Variants in TMLHE observed in about 807,000 individuals in gnomAD.
TMLHE encodes trimethyllysine hydroxylase, epsilon.
In TMLHE, 18 loss-of-function variants were observed where a neutral mutation model predicts 25.7. That is an observed-to-expected ratio of 0.70 (90% CI 0.48 to 1.04). TMLHE has a LOEUF of 1.04. TMLHE is among the 50% of genes least tolerant of loss of function. The probability of loss-of-function intolerance (pLI) is 0.00; values close to 1 mark genes in which losing one functional copy is unlikely to be tolerated. For synonymous variants in TMLHE, 105 were observed against 97.0 expected (o/e 1.08, Z -0.49); for missense variants, 236 against 259.0 (o/e 0.91, Z 0.61).
rs2067223008 is a variant in TMLHE at position 155,526,897 on chromosome X, G to A, written c.182-2265C>T. ...GGCCAATTTCTCCCATTTGGAATGG[G>A]AGCATTTACCGAATGCCTGTACCCC... On this transcript the variant is annotated intron_variant, in intron 2 of 7. Coordinates refer to ENST00000334398, the MANE Select transcript of TMLHE (RefSeq NM_018196.4). Among the ~76,000 whole-genome samples, 3 of 112,823 alleles carry A rather than the reference G, an allele frequency of 2.7e-5. No homozygotes were observed. In the Admixed American group the frequency reaches 2.8e-4, roughly 10 times the overall value.
At chrX:155,524,230 T>C in intron 3 of TMLHE, 1 of 289,840 alleles carries the variant, frequency 3.5e-6, no homozygotes, top group Non-Finnish European at 6.0e-6. Context: ...ATGTTCCCTG[T>C]CTTAGAGGGA....
intron 1 of TMLHE, among the ~76,000 whole-genome samples, chrX:155,576,749 C>CA (rs1569562209): frequency 8.9e-6 from 1 of 111,776 alleles, no homozygotes. Context: ...CAAAAGCAAG[C>CA]AATGAAGAAA....
At chrX:155,590,997 G>A (rs1475360197) in intron 1 of TMLHE, among the ~76,000 whole-genome samples, 1 of 111,395 alleles carries the variant, frequency 9.0e-6, no homozygotes, top group Non-Finnish European at 1.9e-5. Context: ...AAAGAAACAA[G>A]CTAAAGGGAA....
intron 2 of TMLHE, among the ~76,000 whole-genome samples, chrX:155,543,590 T>G (rs1367355958): frequency 8.9e-6 from 1 of 112,191 alleles, no homozygotes; most frequent in Non-Finnish European, 1.9e-5. Context: ...TGTTAAAATA[T>G]CTATACTATT....
intron 3 of TMLHE, 127 bp downstream of exon 3, chrX:155,524,329 C>A (rs1479229535): frequency 4.5e-5 from 26 of 577,209 alleles, no homozygotes; most frequent in Non-Finnish European, 6.6e-5. Flanking sequence ...TCAAAAAATC[C>A]TTCCAAAACA....
chrX:155,524,145 AT>A (rs2067205010), intron 3 of TMLHE: 1 of 192,842 alleles, frequency 5.2e-6, no homozygotes, highest in Non-Finnish European at 9.5e-6. Flanking sequence ...CTATAATAGA[AT>A]TTTCAGTACT....
chrX:155,515,721 A>C (rs891856731), intron 3 of TMLHE, among the ~76,000 whole-genome samples: 1 of 111,665 alleles, frequency 9.0e-6, no homozygotes, highest in Non-Finnish European at 1.9e-5. Flanking sequence ...TACTAAGGCT[A>C]ATAAGAATAC....
chrX:155,587,356 A>G (rs1557345410), intron 1 of TMLHE, among the ~76,000 whole-genome samples: 1 of 111,915 alleles, frequency 8.9e-6, no homozygotes, highest in Non-Finnish European at 1.9e-5. Context: ...GTATAGAAGG[A>G]ATATACCTCA....
intron 2 of TMLHE, among the ~76,000 whole-genome samples, chrX:155,527,583 CA>C (rs67032728): frequency 1.5e-3 from 159 of 109,436 alleles, no homozygotes; most frequent in African/African-American, 5.0e-3. Flanking sequence ...AAAAAAATTA[CA>C]AAAAAAACAA....
chrX:155,507,130 G>C lies in TMLHE; in HGVS notation c.763C>G (p.Gln255Glu). The C allele has an allele frequency of 8.4e-7, 1 of 1,186,808 alleles. No individual in the cohort carries two copies. Among genetic ancestry groups the C allele is most frequent in the Non-Finnish European group, 1.1e-6 (1 of 874,582 alleles). The change falls in exon 6 of 8, where the codon CAA becomes GAA. Residue 255 changes from glutamine to glutamate, a missense_variant. Physicochemically the swap from Gln to Glu is conservative, Grantham distance 29. Transcript: ENST00000334398. ...TTYFQEPCGI[Q>E]VFHCLKHEGT... ...TCATGTTTAAGACAATGAAACACTT[G>C]AATGCTAAAGAGAGAAAAGAAAATT...
intron 1 of TMLHE, among the ~76,000 whole-genome samples, chrX:155,598,091 T>C (rs993903401): frequency 2.7e-5 from 3 of 111,457 alleles, no homozygotes; most frequent in African/African-American, 9.8e-5. Context: ...GGTTTCAAGA[T>C]AGGAATATTG....
At chrX:155,583,226 A>G (rs1307246159) in intron 1 of TMLHE, among the ~76,000 whole-genome samples, 1 of 111,794 alleles carries the variant, frequency 8.9e-6, no homozygotes, top group East Asian at 2.8e-4. Context: ...AATGTAAATG[A>G]TGAGTTAATG....
chrX:155,536,934 A>G (rs1358931322), intron 2 of TMLHE, among the ~76,000 whole-genome samples: 1 of 111,888 alleles, frequency 8.9e-6, no homozygotes, highest in African/African-American at 3.2e-5. Flanking sequence ...ATCTTATCAA[A>G]ATTTTAATAC....
chrX:155,597,803 C>CA lies in TMLHE; in HGVS notation c.-2+14988dup, dbSNP rs200028265. Among the ~76,000 whole-genome samples the CA allele has an allele frequency of 7.5e-3, 789 of 105,631 alleles. 12 individuals carry two copies. Among genetic ancestry groups the CA allele is most frequent in the African/African-American group, 0.025 (729 of 28,750 alleles). 91.7% of individuals were successfully genotyped at this position (105,631 alleles called of 115,157 possible). A position where few individuals can be genotyped will look rare whatever the true frequency, so the allele number is the denominator to read the frequency against. ...TGGTAAGCATGTAATGCAAATATTC[C>CA]AAAAAAAACAATCTGAAATGCTTCT... On this transcript the variant is annotated intron_variant, in intron 1 of 7. Transcript: ENST00000334398.
At chrX:155,592,550 C>T (rs2067699363) in intron 1 of TMLHE, among the ~76,000 whole-genome samples, 2 of 111,998 alleles carry the variant, frequency 1.8e-5, no homozygotes, top group Admixed American at 1.9e-4. Flanking sequence ...GACAGTTCTC[C>T]TGGGCTTACA....
At position 155,548,660 on chromosome X, in the gene TMLHE, A is replaced by G. The variant is rs782656056; in HGVS notation, c.-1-3383T>C. 8.6e-4 allele frequency among the ~76,000 whole-genome samples: 93 copies of G among 108,691 alleles called. 2 individuals are homozygous for G. Among genetic ancestry groups the G allele is most frequent in the South Asian group, 7.4e-3 (18 of 2,420 alleles). The allele number at this position is 108,691 out of a possible 115,157, so 94.4% of individuals were successfully genotyped here. A position where few individuals can be genotyped will look rare whatever the true frequency, so the allele number is the denominator to read the frequency against. On this transcript the variant is annotated intron_variant, in intron 1 of 7. Coordinates refer to ENST00000334398, the MANE Select transcript of TMLHE (RefSeq NM_018196.4). ...TGAGGCAGGAGAATCGCTTGAACCC[A>G]GGAGGCAAAGGTTGCAGTGAGCTGA... is the stretch of plus-strand genomic sequence containing the variant.
chrX:155,514,715 A>G (rs189666375), intron 3 of TMLHE, among the ~76,000 whole-genome samples: 2 of 111,218 alleles, frequency 1.8e-5, no homozygotes, highest in Admixed American at 9.5e-5. Context: ...GACTCACTCA[A>G]GATCACACAA....
chrX:155,531,710 A>C (rs2067250168), intron 2 of TMLHE, among the ~76,000 whole-genome samples: 1 of 111,421 alleles, frequency 9.0e-6, no homozygotes, highest in Non-Finnish European at 1.9e-5. Flanking sequence ...TTTAAGCATA[A>C]CCTCTGATCA....
chrX:155,606,023 G>C (rs1252921782), intron 1 of TMLHE, among the ~76,000 whole-genome samples: 1 of 111,945 alleles, frequency 8.9e-6, no homozygotes. Context: ...ATTACAAATG[G>C]TAAAGAGTCA....
Sources: gnomAD v4.1 joint callset for allele counts (sites outside exome capture counted in the v4.1 genomes callset) on GRCh38, gnomAD v4.1.1 for gene constraint, MANE v1.5 for transcripts, NCBI Gene and HGNC (gene_info 2026-07-23, HGNC 2026-07-21) for gene names.